Variants in GALNTL6 observed in about 807,000 individuals in gnomAD.
The protein encoded by GALNTL6 is polypeptide N-acetylgalactosaminyltransferase like 6.
GALNTL6 carries 46 observed loss-of-function variants against 73.7 expected under a neutral mutation model. That is an observed-to-expected ratio of 0.62 (90% CI 0.49 to 0.80). The LOEUF (loss-of-function observed/expected upper bound fraction) is 0.80. Ranked by LOEUF, GALNTL6 falls within the 30% of genes least tolerant of loss-of-function variation. The pLI is 0.00. For missense variants in GALNTL6, 604 were observed against 755.0 expected (o/e 0.80, Z 2.34); for synonymous variants, 259 against 263.7 (o/e 0.98, Z 0.17).
Position 172,394,428 on chromosome 4 carries a change from CTTTTTTTT to C in GALNTL6, c.553+45752_553+45759del, listed in dbSNP as rs201130774. On this transcript the variant is annotated intron_variant, in intron 5 of 12. Transcript: ENST00000506823. ...TCTTGCAATTTATTTTCTTCTTCTT[CTTTTTTTT>C]TTTTTTTTTTTTGAGATGGAGTTTT... 9.2e-4 allele frequency among the ~76,000 whole-genome samples: 111 copies of C among 120,148 alleles called. No homozygotes were observed. The South Asian group carries it at 0.018, about 19-fold the overall frequency. The allele number at this position is 120,148 out of a possible 152,430, so 78.8% of individuals were successfully genotyped here.
rs139137101 is a variant in GALNTL6 at position 172,779,957 on chromosome 4, G to A, written c.554-29404G>A. On this transcript the variant is annotated intron_variant, in intron 5 of 12. Coordinates refer to ENST00000506823, the MANE Select transcript of GALNTL6 (RefSeq NM_001034845.3). ...ACATATATCTAATTAAAAAGTATTCGTTCCTCTGTTCTCAAACTAATGTGC... is the reference window on the plus strand; with the variant it reads ...ACATATATCTAATTAAAAAGTATTCATTCCTCTGTTCTCAAACTAATGTGC... Among the ~76,000 whole-genome samples, 147 of 152,182 alleles carry A rather than the reference G, an allele frequency of 9.7e-4. 2 individuals carry two copies. In the South Asian group the frequency reaches 0.016, roughly 17 times the overall value.
chr4:172,971,199 G>T (rs1326397100), intron 10 of GALNTL6, among the ~76,000 whole-genome samples: 1 of 152,144 alleles, frequency 6.6e-6, no homozygotes, highest in Non-Finnish European at 1.5e-5. Context: ...ATTGGATGCA[G>T]CCCCTCAATC....
At chr4:172,609,815 C>T (rs1738456613) in intron 5 of GALNTL6, among the ~76,000 whole-genome samples, 1 of 150,682 alleles carries the variant, frequency 6.6e-6, no homozygotes, top group African/African-American at 2.5e-5. Context: ...ATGAATCCGT[C>T]TGGTCCTGGA....
At chr4:172,854,322 G>C (rs1744010478) in intron 7 of GALNTL6, among the ~76,000 whole-genome samples, 1 of 151,988 alleles carries the variant, frequency 6.6e-6, no homozygotes, top group Non-Finnish European at 1.5e-5. Flanking sequence ...AGCTCTTTCA[G>C]CACAGAAAAT....
intron 2 of GALNTL6, among the ~76,000 whole-genome samples, chr4:171,909,232 A>G (rs1454237594): frequency 6.6e-6 from 1 of 151,924 alleles, no homozygotes; most frequent in Non-Finnish European, 1.5e-5. Flanking sequence ...TTCTGAAATC[A>G]TTAACTATTT....
chr4:172,796,715 A>G (rs531771419), intron 5 of GALNTL6, among the ~76,000 whole-genome samples: 1 of 152,326 alleles, frequency 6.6e-6, no homozygotes, highest in South Asian at 2.1e-4. Context: ...GGTCAATTTT[A>G]TCAACAAGGG....
intron 7 of GALNTL6, among the ~76,000 whole-genome samples, chr4:172,831,589 G>A (rs1560981518): frequency 6.6e-6 from 1 of 152,176 alleles, no homozygotes; most frequent in Non-Finnish European, 1.5e-5. Context: ...GCACCAAGGG[G>A]AAAAATCACA....
chr4:173,017,403 C>T (rs2126508614), intron 11 of GALNTL6, among the ~76,000 whole-genome samples: 1 of 152,262 alleles, frequency 6.6e-6, no homozygotes, highest in African/African-American at 2.4e-5. Context: ...GTCACAATGA[C>T]ATTACCCAAA....
At chr4:172,184,717 A>G (rs1489325016) in intron 2 of GALNTL6, among the ~76,000 whole-genome samples, 4 of 152,170 alleles carry the variant, frequency 2.6e-5, no homozygotes, top group African/African-American at 9.7e-5. Flanking sequence ...CTGCTATAAC[A>G]GAGTGCTGTA....
chr4:171,992,047 T>C (rs2110738981), intron 2 of GALNTL6, among the ~76,000 whole-genome samples: 1 of 152,110 alleles, frequency 6.6e-6, no homozygotes, highest in Admixed American at 6.6e-5. Context: ...AATGTTTTCC[T>C]TACAGCTTTT....
rs111307410 is a variant in GALNTL6 at position 172,489,263 on chromosome 4, C to T, written c.553+140574C>T. On this transcript the variant is annotated intron_variant, in intron 5 of 12. Transcript: ENST00000506823. ...AAATTACCATTGAGTCATACACATG[C>T]GCACGCACGCAGACACACACACACG... Among the ~76,000 whole-genome samples, 631 of 152,188 alleles carry T rather than the reference C, an allele frequency of 4.1e-3. 3 individuals are homozygous for T. The highest frequency in any genetic ancestry group is 0.014 in the African/African-American group (571 of 41,524).
intron 5 of GALNTL6, among the ~76,000 whole-genome samples, chr4:172,547,507 C>T (rs764083873): frequency 1.1e-4 from 17 of 152,018 alleles, no homozygotes; most frequent in African/African-American, 3.9e-4. Flanking sequence ...ATTATGAAGT[C>T]GACCCAAAGC....
At chr4:172,474,947 T>C (rs1733180791) in intron 5 of GALNTL6, among the ~76,000 whole-genome samples, 1 of 152,202 alleles carries the variant, frequency 6.6e-6, no homozygotes, top group South Asian at 2.1e-4. Context: ...TCTGAATAAA[T>C]TGAAAAAATG....
At chr4:172,395,226 T>G (rs1215503990) in intron 5 of GALNTL6, among the ~76,000 whole-genome samples, 1 of 152,210 alleles carries the variant, frequency 6.6e-6, no homozygotes, top group Admixed American at 6.5e-5. Flanking sequence ...TTCTGTAATG[T>G]AAAGTTTCAT....
intron 12 of GALNTL6, among the ~76,000 whole-genome samples, chr4:173,023,076 C>A (rs759932636): frequency 6.6e-6 from 1 of 152,104 alleles, no homozygotes; most frequent in Non-Finnish European, 1.5e-5. Context: ...AATGGAATAT[C>A]CCCCACTTTA....
At position 171,858,725 on chromosome 4, in the gene GALNTL6, C is replaced by T. The variant is rs559486825; in HGVS notation, c.138+44007C>T. 9.9e-5 allele frequency among the ~76,000 whole-genome samples: 15 copies of T among 152,162 alleles called. No homozygotes were observed. The South Asian group carries it at 2.7e-3, about 27-fold the overall frequency. On this transcript the variant is annotated intron_variant, in intron 2 of 12. Coordinates refer to ENST00000506823, the MANE Select transcript of GALNTL6 (RefSeq NM_001034845.3). Reference sequence around the variant, plus strand: ...TTTTTCAGGTTTCTTAAATCAGGAACTTGCAGTTCTCTTCAAAAGCATAAA... The same window carrying T: ...TTTTTCAGGTTTCTTAAATCAGGAATTTGCAGTTCTCTTCAAAAGCATAAA...
chr4:172,333,855 A>G (rs1333436088), intron 4 of GALNTL6, among the ~76,000 whole-genome samples: 1 of 152,030 alleles, frequency 6.6e-6, no homozygotes, highest in Non-Finnish European at 1.5e-5. Context: ...TCTTGAGTTT[A>G]TTTTTGTATG....
rs550777726 is a variant in GALNTL6 at position 172,836,231 on chromosome 4, G to GA, written c.923+22511dup. On this transcript the variant is annotated intron_variant, in intron 7 of 12. Transcript: ENST00000506823. ...CTTCTACAATAGCAGGCAGAAAAGAGAAACACCTGAAATGTATGTTACTGT... is the reference window on the plus strand; with the variant it reads ...CTTCTACAATAGCAGGCAGAAAAGAGAAAACACCTGAAATGTATGTTACTGT... Among the ~76,000 whole-genome samples, 31 of 152,306 alleles carry GA rather than the reference G, an allele frequency of 2.0e-4. No individual in the cohort carries two copies. In the South Asian group the frequency reaches 6.4e-3, roughly 32 times the overall value.
intron 12 of GALNTL6, among the ~76,000 whole-genome samples, chr4:173,037,258 A>G (rs1753734141): frequency 6.6e-6 from 1 of 152,198 alleles, no homozygotes; most frequent in African/African-American, 2.4e-5. Flanking sequence ...TGTCTCTGTC[A>G]CTAGTGACCT....
Sources: allele counts gnomAD v4.1 joint callset (sites outside exome capture counted in the v4.1 genomes callset), GRCh38; gene constraint gnomAD v4.1.1; transcripts MANE v1.5; gene names NCBI Gene and HGNC (gene_info 2026-07-23, HGNC 2026-07-21).